The following LMBRD1 variants were observed in gnomAD, a reference collection of about 807,000 sequenced individuals.
LMBRD1 encodes LMBR1 domain containing 1, also known as lysosomal cobalamin transport escort protein LMBD1.
In LMBRD1, 64 loss-of-function variants were observed where a neutral mutation model predicts 74.8. That is an observed-to-expected ratio of 0.86 (90% CI 0.70 to 1.05). The LOEUF is 1.05. LMBRD1 is among the 50% of genes least tolerant of loss of function. LMBRD1 has a pLI of 0.00. For synonymous variants in LMBRD1, 204 were observed against 216.3 expected, an observed-to-expected ratio of 0.94 and a Z score of 0.50; for missense variants, 652 against 645.9, an observed-to-expected ratio of 1.01 and a Z score of -0.10.
intron 3 of LMBRD1, among the ~76,000 whole-genome samples, chr6:69,777,801 T>C (rs1158557711): frequency 1.3e-5 from 2 of 152,180 alleles, no homozygotes; most frequent in African/African-American, 4.8e-5. Flanking sequence ...TTAAGAGGGA[T>C]AGGAAGGATT....
At chr6:69,718,700 T>A (rs909176449) in intron 8 of LMBRD1, among the ~76,000 whole-genome samples, 1 of 152,186 alleles carries the variant, frequency 6.6e-6, no homozygotes, top group African/African-American at 2.4e-5. Flanking sequence ...CTCACTATCA[T>A]GAGAACACCA....
At chr6:69,698,683 C>T (rs374069923) in intron 13 of LMBRD1, among the ~76,000 whole-genome samples, 19 of 151,914 alleles carry the variant, frequency 1.3e-4, no homozygotes, top group Middle Eastern at 6.8e-3. Context: ...TGCCAATGAA[C>T]GGACATGCTG....
intron 3 of LMBRD1, among the ~76,000 whole-genome samples, chr6:69,765,103 G>T (rs995330717): frequency 1.3e-5 from 2 of 151,690 alleles, no homozygotes; most frequent in African/African-American, 4.8e-5. Context: ...GCTAATTTTT[G>T]TATTTTTAGT....
intron 1 of LMBRD1, among the ~76,000 whole-genome samples, chr6:69,793,232 T>C (rs1766129317): frequency 6.6e-6 from 1 of 152,218 alleles, no homozygotes; most frequent in Non-Finnish European, 1.5e-5. Context: ...TCAAAATAAA[T>C]TGGTCTGAAC....
intron 3 of LMBRD1, among the ~76,000 whole-genome samples, chr6:69,758,862 T>C (rs1402278761): frequency 5.3e-5 from 8 of 152,090 alleles, no homozygotes; most frequent in Non-Finnish European, 1.0e-4. Flanking sequence ...CATGATAATA[T>C]CATGAGGTGC....
In LMBRD1 at chr6:69,676,224, CG is replaced by C; in HGVS notation, c.1556del (p.Ser519TrpfsTer6). On this transcript the variant is annotated frameshift_variant, in exon 16 of 16. Transcript: ENST00000649934. LOFTEE classifies it high-confidence loss of function. ...LIVSCCKGKK[S>X]VIEGVDEDSD... ...AATCTTCATCTACTCCTTCAATAACCGATTTCTTCCCTTTACAACAGGATAC... is the reference window on the plus strand; with the variant it reads ...AATCTTCATCTACTCCTTCAATAACCATTTCTTCCCTTTACAACAGGATAC... 1 of 1,613,306 alleles carries C rather than the reference CG, an allele frequency of 6.2e-7. No homozygotes were observed. The highest frequency in any genetic ancestry group is 8.5e-7 in the Non-Finnish European group (1 of 1,179,638).
intron 9 of LMBRD1, among the ~76,000 whole-genome samples, chr6:69,713,295 A>G (rs1177381637): frequency 6.6e-6 from 1 of 152,150 alleles, no homozygotes; most frequent in African/African-American, 2.4e-5. Flanking sequence ...AACACTTAAC[A>G]TAAGACCTGA....
rs1253716691 is a variant in LMBRD1 at position 69,674,504 on chromosome 6, G to C, written c.*1654C>G. ...CAATCAAGTGTCTGCGGTGCCATTTGTCAAAAAAATGAATGCAGAAGAAGG... is the reference window on the plus strand; with the variant it reads ...CAATCAAGTGTCTGCGGTGCCATTTCTCAAAAAAATGAATGCAGAAGAAGG... On this transcript the variant is annotated 3_prime_UTR_variant, in exon 16 of 16. Coordinates refer to ENST00000649934, the MANE Select transcript of LMBRD1 (RefSeq NM_018368.4). 6.6e-6 allele frequency among the ~76,000 whole-genome samples: 1 copy of C among 152,146 alleles called. No individual in the cohort carries two copies. Among genetic ancestry groups the C allele is most frequent in the African/African-American group, 2.4e-5 (1 of 41,434 alleles).
At chr6:69,739,914 T>C (rs1314771107) in intron 6 of LMBRD1, among the ~76,000 whole-genome samples, 3 of 152,192 alleles carry the variant, frequency 2.0e-5, no homozygotes, top group Non-Finnish European at 2.9e-5. Flanking sequence ...GAGACCAGCC[T>C]GGCCAATATG....
intron 3 of LMBRD1, among the ~76,000 whole-genome samples, chr6:69,764,332 ACTCTCT>A (rs113092782): frequency 4.7e-5 from 7 of 147,842 alleles, no homozygotes; most frequent in African/African-American, 1.0e-4. Context: ...TCGTTACCTC[ACTCTCT>A]CTCTCTCTCT....
chr6:69,715,887 T>C (rs1417263011), intron 8 of LMBRD1, among the ~76,000 whole-genome samples: 1 of 152,144 alleles, frequency 6.6e-6, no homozygotes, highest in Admixed American at 6.6e-5. Context: ...TTTCTGTTCA[T>C]GTGTTAGTTT....
chr6:69,723,439 C>T (rs1450785206), intron 7 of LMBRD1, among the ~76,000 whole-genome samples: 1 of 152,062 alleles, frequency 6.6e-6, no homozygotes, highest in Non-Finnish European at 1.5e-5. Flanking sequence ...AATCTTAACA[C>T]ATTCACAAAA....
chr6:69,734,503 C>T (rs1305989306), intron 7 of LMBRD1, among the ~76,000 whole-genome samples: 1 of 151,666 alleles, frequency 6.6e-6, no homozygotes, highest in Non-Finnish European at 1.5e-5. Flanking sequence ...TCAAGCGATT[C>T]TCCTGCCTCA....
chr6:69,700,788 C>T lies in LMBRD1; in HGVS notation c.1165G>A (p.Gly389Ser). 6.6e-7 allele frequency: 1 copy of T among 1,510,522 alleles called. No individual in the cohort carries two copies. Among genetic ancestry groups the T allele is most frequent in the Non-Finnish European group, 9.0e-7 (1 of 1,109,244 alleles). The allele number at this position is 1,510,522 out of a possible 1,614,324, so 93.6% of individuals were successfully genotyped here. A position where few individuals can be genotyped will look rare whatever the true frequency, so the allele number is the denominator to read the frequency against. Residue 389 changes from glycine to serine, a missense_variant, in exon 12 of 16, where the codon GGC (glycine) becomes AGC (serine). By Grantham distance (56) the Gly-to-Ser change is moderately conservative. Around this residue, in one of 3 missense-constraint regions of LMBRD1, gnomAD observed 598 missense variants for 581.8 expected, o/e 1.03. Transcript: ENST00000649934. Reference protein sequence around the residue: ...FTSMAGIRNIGIWFFWIRLYK... With the variant: ...FTSMAGIRNISIWFFWIRLYK... ...ACTCTAATCCAAAAGAACCATATGC[C>T]AATATTTCGAATTCCTGCCATTGAA...
chr6:69,727,181 T>C (rs950589479), intron 7 of LMBRD1, among the ~76,000 whole-genome samples: 1 of 152,010 alleles, frequency 6.6e-6, no homozygotes, highest in African/African-American at 2.4e-5. Context: ...TAAATTAAAT[T>C]AAGTAACTAA....
intron 9 of LMBRD1, chr6:69,705,343 G>A (rs915957566): frequency 2.6e-5 from 20 of 780,940 alleles, no homozygotes; most frequent in Admixed American, 1.0e-4. Flanking sequence ...TCAGTCATCC[G>A]GAAGCAATTC....
intron 14 of LMBRD1, among the ~76,000 whole-genome samples, chr6:69,684,291 A>G (rs545677217): frequency 6.6e-6 from 1 of 152,212 alleles, no homozygotes; most frequent in African/African-American, 2.4e-5. Flanking sequence ...AAGAACATAG[A>G]GTAAATGGTA....
intron 3 of LMBRD1, among the ~76,000 whole-genome samples, chr6:69,766,367 T>A (rs1765475239): frequency 6.6e-6 from 1 of 151,974 alleles, no homozygotes; most frequent in Admixed American, 6.6e-5. Context: ...TAATTTTTAA[T>A]CAATGATCGA....
In LMBRD1 at chr6:69,796,894, T is replaced by G; in HGVS notation, c.-13A>C. On this transcript the variant is annotated 5_prime_UTR_variant, in exon 1 of 16. Coordinates refer to ENST00000649934, the MANE Select transcript of LMBRD1 (RefSeq NM_018368.4). ...CAGAAGTCGCCATCTTCGCTTCCGG[T>G]CCAGACCAACCTGAGCGCCCGGGGT... 1.3e-6 allele frequency: 2 copies of G among 1,584,702 alleles called. No individual in the cohort carries two copies. The highest frequency in any genetic ancestry group is 1.7e-6 in the Non-Finnish European group (2 of 1,161,848).
Sources: gnomAD v4.1 joint callset for allele counts (sites outside exome capture counted in the v4.1 genomes callset) on GRCh38, gnomAD v4.1.1 for gene constraint, gnomAD v4.1.1 regional missense constraint, MANE v1.5 for transcripts, NCBI Gene and HGNC (gene_info 2026-07-23, HGNC 2026-07-21) for gene names.